Variants in ABCC6 observed in about 807,000 individuals in gnomAD.
The protein encoded by ABCC6 is ATP binding cassette subfamily C member 6, also known as ATP-binding cassette sub-family C member 6.
Under a neutral mutation model 169.5 loss-of-function variants are expected in ABCC6, and 126 were observed. That is an observed-to-expected ratio of 0.74 (90% CI 0.64 to 0.86). The LOEUF (loss-of-function observed/expected upper bound fraction) is 0.86, where lower values mean the gene tolerates loss of function less well. Ranked by LOEUF, ABCC6 falls within the 40% of genes least tolerant of loss-of-function variation. The pLI is 0.00. For synonymous variants in ABCC6, 752 were observed against 814.7 expected (o/e 0.92, Z 1.31); for missense variants, 1,733 against 1,927.2 (o/e 0.90, Z 1.89).
Position 16,201,886 on chromosome 16 carries a change from G to T in ABCC6, c.1176+115C>A, listed in dbSNP as rs571995574. On this transcript the variant is annotated intron_variant, in intron 9 of 30. Transcript: ENST00000205557. ...CTAAGGAAGTGAGAATGTATGGTGA[G>T]TGACTCTAATAAGCAAGGACTGAAT... 9 of 1,142,762 alleles carry T rather than the reference G, an allele frequency of 7.9e-6. No individual in the cohort carries two copies. The African/African-American group carries it at 9.2e-5, about 12-fold the overall frequency. The allele number at this position is 1,142,762 out of a possible 1,614,324, so 70.8% of individuals were successfully genotyped here.
chr16:16,170,217 C>T (rs1178796140), intron 21 of ABCC6, among the ~76,000 whole-genome samples: 5 of 152,088 alleles, frequency 3.3e-5, no homozygotes, highest in African/African-American at 1.2e-4. Context: ...CCCCCCGCCT[C>T]AGCCTCCCGA....
chr16:16,198,008 TC>T lies in ABCC6; in HGVS notation c.1338+12del, dbSNP rs768652178. ...GGACTCCGTTCAAATCCCGTCTTCC[TC>T]CTCTGGCATACCTGCCAGAGATAGA... is the stretch of plus-strand genomic sequence containing the variant. On this transcript the variant is annotated intron_variant, in intron 10 of 30. Coordinates refer to ENST00000205557, the MANE Select transcript of ABCC6 (RefSeq NM_001171.6). 1 of 1,613,394 alleles carries T rather than the reference TC, an allele frequency of 6.2e-7. No homozygotes were observed. The highest frequency in any genetic ancestry group is 1.1e-5 in the South Asian group (1 of 90,942).
At chr16:16,169,594 A>C (rs1482231058) in intron 22 of ABCC6, 52 bp downstream of exon 22, 7 of 1,598,886 alleles carry the variant, frequency 4.4e-6, no homozygotes, top group Middle Eastern at 2.3e-4. Context: ...AGTCCTGAGC[A>C]CCCCTTGGTG....
rs537364441 is a variant in ABCC6, at chr16:16,187,352, G to C, written c.1780-141C>G. ...GGAGGCGTGAGGACAAAGCTTTCTA[G>C]TTCATGGGAAACGATGCAACCCGAG... On this transcript the variant is annotated intron_variant, in intron 13 of 30. Transcript: ENST00000205557. 3 of 736,922 alleles carry C rather than the reference G, an allele frequency of 4.1e-6. No homozygotes were observed. The African/African-American group carries it at 5.2e-5, about 13-fold the overall frequency. The allele number at this position is 736,922 out of a possible 1,614,324, so 45.6% of individuals were successfully genotyped here.
intron 4 of ABCC6, among the ~76,000 whole-genome samples, chr16:16,215,438 GGTGTGT>G (rs56229208): frequency 0.013 from 1,744 of 136,938 alleles, 23 homozygotes; most frequent in African/African-American, 0.041. Flanking sequence ...TTTAATTTTA[GGTGTGT>G]GTGTGTGTGT....
intron 17 of ABCC6, among the ~76,000 whole-genome samples, chr16:16,180,911 A>C (rs532601717): frequency 1.3e-5 from 2 of 152,212 alleles, no homozygotes; most frequent in African/African-American, 4.8e-5. Flanking sequence ...TGCTCTCTTA[A>C]TGGATCCATC....
rs63750414 is a variant in ABCC6 at position 16,154,910 on chromosome 16, A to T, written c.4004T>A (p.Leu1335Gln). ...IDGVPIAHVG[L>Q]HTLRSRISII... ...GCTGATCCTGGAGCGCAGTGTGTGC[A>T]GCCCCACGTGGGCAATGGGGACCCC... is the stretch of plus-strand genomic sequence containing the variant. Residue 1335 changes from leucine to glutamine, a missense_variant, in exon 28 of 31, where the codon CTG becomes CAG. Physicochemically the swap from Leu to Gln is moderately radical, Grantham distance 113. This residue lies in a region of ABCC6 where 1,601 missense variants were observed against 1,635.5 expected (regional missense o/e 0.98). Transcript: ENST00000205557. 1 of 1,610,728 alleles carries T rather than the reference A, an allele frequency of 6.2e-7. No homozygotes were observed. Among genetic ancestry groups the T allele is most frequent in the Middle Eastern group, 1.7e-4 (1 of 6,052 alleles).
At position 16,150,825 on chromosome 16, in the gene ABCC6, A is replaced by G. The variant is rs1003809193; in HGVS notation, c.4209-53T>C. 3.3e-5 allele frequency: 52 copies of G among 1,592,220 alleles called. 1 individual carries two copies. Among genetic ancestry groups the G allele is most frequent in the Non-Finnish European group, 5.1e-6 (6 of 1,169,638 alleles). On this transcript the variant is annotated intron_variant, in intron 29 of 30. Coordinates refer to ENST00000205557, the MANE Select transcript of ABCC6 (RefSeq NM_001171.6). ...GACGTGCGTTTGTCGGCACATGGTG[A>G]TGTGTGGGTGTGCCCAGAAACAGGT... is the stretch of plus-strand genomic sequence containing the variant.
chr16:16,173,537 T>A, intron 20 of ABCC6, 133 bp from the exon 21 acceptor site: 1 of 1,126,250 alleles, frequency 8.9e-7, no homozygotes, highest in Non-Finnish European at 1.3e-6. Flanking sequence ...TTCATTTATC[T>A]AACAGAATAC....
chr16:16,214,799 G>T (rs867476211), intron 4 of ABCC6, among the ~76,000 whole-genome samples: 1 of 152,058 alleles, frequency 6.6e-6, no homozygotes, highest in South Asian at 2.1e-4. Context: ...TAGTAGAGAT[G>T]GGGTTTTGCC....
Position 16,198,078 on chromosome 16 carries a change from G to T in ABCC6, c.1281C>A (p.Leu427=). 6.2e-7 allele frequency: 1 copy of T among 1,614,138 alleles called. No homozygotes were observed. Among genetic ancestry groups the T allele is most frequent in the Non-Finnish European group, 8.5e-7 (1 of 1,180,014 alleles). ...AGACGAGAGGCAGCCACAGCCCGTT[G>T]AGGTAGAGGACGCTCTCGGTCAGCC... ...VQRLTESVLY[L]NGLWLPLVWI... Residue 427 remains leucine, a synonymous_variant, in exon 10 of 31, where the codon CTC becomes CTA. Transcript: ENST00000205557.
intron 25 of ABCC6, 104 bp downstream of exon 25, chr16:16,161,334 C>A: frequency 6.4e-7 from 1 of 1,553,858 alleles, no homozygotes; most frequent in Non-Finnish European, 8.8e-7. Context: ...CTCCACACAC[C>A]ATGTTGGTTT....
At chr16:16,166,535 C>T (rs529139390) in intron 22 of ABCC6, among the ~76,000 whole-genome samples, 2 of 151,926 alleles carry the variant, frequency 1.3e-5, no homozygotes, top group African/African-American at 4.8e-5. Flanking sequence ...CAGCGACTGC[C>T]GGCGACCACC....
Position 16,150,202 on chromosome 16 carries a change from G to T in ABCC6, c.4443C>A (p.Gly1481=). 1 of 1,614,014 alleles carries T rather than the reference G, an allele frequency of 6.2e-7. No homozygotes were observed. Among genetic ancestry groups the T allele is most frequent in the Non-Finnish European group, 8.5e-7 (1 of 1,180,040 alleles). Residue 1481 remains glycine, a synonymous_variant, in exon 31 of 31, where the codon GGC becomes GGA. Transcript: ENST00000205557. ...VMDKGQVAES[G]SPAQLLAQKG... ...TCTGGGCCAGCAGCTGGGCCGGGCT[G>T]CCGCTCTCTGCCACCTGCCCCTTGT... is the stretch of plus-strand genomic sequence containing the variant.
chr16:16,173,130 G>A (rs1460100063), intron 21 of ABCC6, 154 bp downstream of exon 21: 1 of 940,680 alleles, frequency 1.1e-6, no homozygotes, highest in African/African-American at 1.6e-5. Context: ...GTGGTTGTGA[G>A]GATTAAGAAA....
At chr16:16,159,909 G>A (rs544511036) in intron 25 of ABCC6, among the ~76,000 whole-genome samples, 8 of 152,274 alleles carry the variant, frequency 5.3e-5, no homozygotes, top group African/African-American at 1.4e-4. Flanking sequence ...CAGGACCCAG[G>A]CCCACTGATT....
intron 15 of ABCC6, 50 bp downstream of exon 15, chr16:16,184,909 A>T (rs1412036259): frequency 6.4e-7 from 1 of 1,562,248 alleles, no homozygotes; most frequent in Admixed American, 1.7e-5. Context: ...AGCCCCATGC[A>T]TCTTCTCCCT....
At chr16:16,153,400 C>T (rs1440768570) in intron 29 of ABCC6, among the ~76,000 whole-genome samples, 1 of 152,114 alleles carries the variant, frequency 6.6e-6, no homozygotes, top group Non-Finnish European at 1.5e-5. Flanking sequence ...ATGTGGATGA[C>T]CCTTGAAGAC....
At chr16:16,175,195 C>A (rs949882416) in intron 20 of ABCC6, among the ~76,000 whole-genome samples, 1 of 152,148 alleles carries the variant, frequency 6.6e-6, no homozygotes, top group Non-Finnish European at 1.5e-5. Flanking sequence ...TTGAGAAGTG[C>A]CCTCAGGGTG....
Sources: allele counts gnomAD v4.1 joint callset (sites outside exome capture counted in the v4.1 genomes callset), GRCh38; gene constraint gnomAD v4.1.1; regional missense constraint gnomAD v4.1.1; transcripts MANE v1.5; gene names NCBI Gene and HGNC (gene_info 2026-07-23, HGNC 2026-07-21).